The following ZNRF3 variants were observed in gnomAD, a reference collection of about 807,000 sequenced individuals.
The protein encoded by ZNRF3 is zinc and ring finger 3.
In ZNRF3, 23 loss-of-function variants were observed where a neutral mutation model predicts 72.5. The observed-to-expected ratio is 0.32, with a 90% CI of 0.23 to 0.45. The LOEUF is 0.45. Among genes scored for constraint, ZNRF3 ranks in the 20% least tolerant of loss-of-function variants. The pLI, the probability that ZNRF3 is intolerant of heterozygous loss-of-function variation, is 1.00. For synonymous variants in ZNRF3, 610 were observed against 545.3 expected, an observed-to-expected ratio of 1.12 and a Z score of -1.65; for missense variants, 1,169 against 1,272.1, an observed-to-expected ratio of 0.92 and a Z score of 1.23.
In ZNRF3 at chr22:29,050,895, C is replaced by A; in HGVS notation, c.2714C>A (p.Pro905His). The change falls in exon 8 of 9, where the codon CCT becomes CAT. Residue 905 changes from proline to histidine, a missense_variant. By Grantham distance (77) the Pro-to-His change is moderately conservative. Coordinates refer to ENST00000544604, the MANE Select transcript of ZNRF3 (RefSeq NM_001206998.2). ...EEAGAVRANF[P>H]SALQDTQESS... ...GCGGGTGCTGTCAGGGCCAACTTCCCTAGTGCCCTCCAGGACACTCAGGAG... is the reference window on the plus strand; with the variant it reads ...GCGGGTGCTGTCAGGGCCAACTTCCATAGTGCCCTCCAGGACACTCAGGAG... 6.3e-7 allele frequency: 1 copy of A among 1,575,868 alleles called. No individual in the cohort carries two copies.
intron 1 of ZNRF3, among the ~76,000 whole-genome samples, chr22:28,938,467 C>A (rs190515671): frequency 1.5e-4 from 23 of 152,256 alleles, no homozygotes; most frequent in Middle Eastern, 3.4e-3. Context: ...AAGCACTTAG[C>A]GTGTATTATC....
At chr22:28,893,531 T>A (rs1164255029) in intron 1 of ZNRF3, among the ~76,000 whole-genome samples, 1 of 151,516 alleles carries the variant, frequency 6.6e-6, no homozygotes, top group East Asian at 1.9e-4. Context: ...AAGTTCTGGC[T>A]CTATCGCCCA....
rs200698791 is a variant in ZNRF3 at position 29,043,441 on chromosome 22, G to A, written c.633+11G>A. 1.6e-4 allele frequency: 259 copies of A among 1,612,362 alleles called. No homozygotes were observed. The highest frequency in any genetic ancestry group is 2.2e-4 in the East Asian group (10 of 44,848). On this transcript the variant is annotated intron_variant, in intron 4 of 8. Coordinates refer to ENST00000544604, the MANE Select transcript of ZNRF3 (RefSeq NM_001206998.2). ...CACCGCCCTCCTCGAGTGAGCCTCC[G>A]CACCATTTGGCACAGGCTCGGGGCC...
At position 28,987,661 on chromosome 22, in the gene ZNRF3, T is replaced by G. The variant is rs576940169; in HGVS notation, c.426+460T>G. ...ACTCAGTAACCAAACACATTCACATTTGTATAGCAAACCATAGAGATCTTC... is the reference window on the plus strand; with the variant it reads ...ACTCAGTAACCAAACACATTCACATGTGTATAGCAAACCATAGAGATCTTC... On this transcript the variant is annotated intron_variant, in intron 2 of 8. Coordinates refer to ENST00000544604, the MANE Select transcript of ZNRF3 (RefSeq NM_001206998.2). Among the ~76,000 whole-genome samples the G allele has an allele frequency of 2.6e-4, 39 of 151,988 alleles. No individual in the cohort carries two copies. The South Asian group carries it at 7.3e-3, about 28-fold the overall frequency.
intron 2 of ZNRF3, among the ~76,000 whole-genome samples, chr22:29,034,478 C>T (rs913661363): frequency 2.6e-5 from 4 of 152,124 alleles, no homozygotes; most frequent in African/African-American, 9.7e-5. Context: ...AGTCCTCAAG[C>T]GTGCTCCATG....
intron 6 of ZNRF3, among the ~76,000 whole-genome samples, chr22:29,047,220 G>T (rs1184948155): frequency 6.6e-6 from 1 of 152,166 alleles, no homozygotes; most frequent in African/African-American, 2.4e-5. Flanking sequence ...TTACACCGCT[G>T]CATATCAGCC....
intron 1 of ZNRF3, among the ~76,000 whole-genome samples, chr22:28,887,135 T>G (rs1228819727): frequency 6.6e-6 from 1 of 152,144 alleles, no homozygotes; most frequent in Non-Finnish European, 1.5e-5. Flanking sequence ...AAAACCTGTT[T>G]AGGAGTGTCA....
intron 2 of ZNRF3, among the ~76,000 whole-genome samples, chr22:29,033,768 G>T (rs1044768187): frequency 6.6e-6 from 1 of 152,192 alleles, no homozygotes; most frequent in Non-Finnish European, 1.5e-5. Flanking sequence ...AGGAATGGGG[G>T]AGATGGGGTA....
chr22:28,949,209 C>T lies in ZNRF3; in HGVS notation c.301-37867C>T, dbSNP rs191517992. ...GTCAGGCTGGTCTCGAACTCCTGACCTCAGGTGATCCATCTGCCTCGGCTT... is the reference window on the plus strand; with the variant it reads ...GTCAGGCTGGTCTCGAACTCCTGACTTCAGGTGATCCATCTGCCTCGGCTT... On this transcript the variant is annotated intron_variant, in intron 1 of 8. Coordinates refer to ENST00000544604, the MANE Select transcript of ZNRF3 (RefSeq NM_001206998.2). Among the ~76,000 whole-genome samples, 28 of 152,082 alleles carry T rather than the reference C, an allele frequency of 1.8e-4. No homozygotes were observed. In the East Asian group the frequency reaches 4.5e-3, roughly 24 times the overall value.
chr22:28,970,820 T>C (rs1330042501), intron 1 of ZNRF3, among the ~76,000 whole-genome samples: 2 of 152,160 alleles, frequency 1.3e-5, no homozygotes, highest in African/African-American at 2.4e-5. Context: ...AACCAACTTA[T>C]ATAGTAACAG....
chr22:29,045,724 G>T (rs190724438), intron 5 of ZNRF3, among the ~76,000 whole-genome samples: 3 of 152,174 alleles, frequency 2.0e-5, no homozygotes, highest in Admixed American at 2.0e-4. Flanking sequence ...TGATCCGCCC[G>T]CCTCGGCCTC....
intron 1 of ZNRF3, among the ~76,000 whole-genome samples, chr22:28,933,948 A>C (rs1410085533): frequency 1.3e-5 from 2 of 151,576 alleles, no homozygotes; most frequent in Non-Finnish European, 2.9e-5. Context: ...AACATGGCTG[A>C]GTGCTTTCTG....
rs143097159 is a variant in ZNRF3, at chr22:28,906,293, C to T, written c.300+22227C>T. On this transcript the variant is annotated intron_variant, in intron 1 of 8. Coordinates refer to ENST00000544604, the MANE Select transcript of ZNRF3 (RefSeq NM_001206998.2). ...AGTGAGCTGAGATGGCACCATTGCA[C>T]TCCAGCCTAGGTGACAGTGATCTGT... Among the ~76,000 whole-genome samples the T allele has an allele frequency of 2.0e-3, 306 of 152,364 alleles. 2 individuals are homozygous for T. Among genetic ancestry groups the T allele is most frequent in the African/African-American group, 6.9e-3 (286 of 41,570 alleles).
chr22:29,040,660 C>T (rs931434286), intron 2 of ZNRF3, among the ~76,000 whole-genome samples: 2 of 152,176 alleles, frequency 1.3e-5, no homozygotes, highest in African/African-American at 2.4e-5. Flanking sequence ...GGTGGACAAT[C>T]GGCAGAGACT....
rs747735040 is a variant in ZNRF3 at position 29,050,015 on chromosome 22, GGCTCGGGCA to G, written c.1843_1851del (p.Ser615_Gly617del). The stretch of plus-strand genomic sequence containing the variant: ...CCCCTGTCGTGCCAGTGAGGCGGGG[GGCTCGGGCA>G]GCTCGGGCCGGGGACCTGCCCTGTG... On this transcript the variant is annotated inframe_deletion, in exon 8 of 9. Coordinates refer to ENST00000544604, the MANE Select transcript of ZNRF3 (RefSeq NM_001206998.2). The G allele has an allele frequency of 1.1e-5, 17 of 1,611,224 alleles. No individual in the cohort carries two copies. Among genetic ancestry groups the G allele is most frequent in the Middle Eastern group, 3.3e-4 (2 of 6,078 alleles).
intron 2 of ZNRF3, among the ~76,000 whole-genome samples, chr22:28,991,519 G>A (rs1242240092): frequency 1.3e-5 from 2 of 152,002 alleles, no homozygotes; most frequent in African/African-American, 4.8e-5. Flanking sequence ...TCATTGTAGT[G>A]GGGGCTCTGT....
At chr22:28,944,987 C>T (rs2035025348) in intron 1 of ZNRF3, among the ~76,000 whole-genome samples, 2 of 151,296 alleles carry the variant, frequency 1.3e-5, no homozygotes, top group Non-Finnish European at 1.5e-5. Context: ...TACTCCTTGA[C>T]TCAACAGTTT....
At chr22:28,926,779 A>G (rs558960172) in intron 1 of ZNRF3, among the ~76,000 whole-genome samples, 1 of 146,958 alleles carries the variant, frequency 6.8e-6, no homozygotes, top group Admixed American at 6.8e-5. Flanking sequence ...AGCTTGGGCA[A>G]TGAGCGAAAC....
intron 2 of ZNRF3, among the ~76,000 whole-genome samples, chr22:29,039,209 G>T (rs1488519366): frequency 2.0e-5 from 3 of 152,310 alleles, no homozygotes; most frequent in Admixed American, 2.0e-4. Flanking sequence ...AGACCTCCAC[G>T]TTCCGGGCGG....
Sources: gnomAD v4.1 joint callset for allele counts (sites outside exome capture counted in the v4.1 genomes callset) on GRCh38, gnomAD v4.1.1 for gene constraint, MANE v1.5 for transcripts, NCBI Gene and HGNC (gene_info 2026-07-23, HGNC 2026-07-21) for gene names.